The following FIG4 variants were observed in gnomAD, a reference collection of about 807,000 sequenced individuals.
FIG4 encodes FIG4 phosphoinositide 5-phosphatase.
FIG4 carries 112 observed loss-of-function variants against 118.6 expected under a neutral mutation model. The ratio of observed to expected loss-of-function variants is 0.94; its 90% CI spans 0.81 to 1.11. The LOEUF is 1.11. Among genes scored for constraint, FIG4 ranks in the 50% least tolerant of loss-of-function variants. The pLI, the probability that FIG4 is intolerant of heterozygous loss-of-function variation, is 0.00. For missense variants in FIG4, 969 were observed against 1,111.7 expected, an observed-to-expected ratio of 0.87 and a Z score of 1.83; for synonymous variants, 369 against 381.2, an observed-to-expected ratio of 0.97 and a Z score of 0.37.
Position 109,764,054 on chromosome 6 carries a change from A to G in FIG4, c.1434+72A>G, listed in dbSNP as rs9372226. The G allele has an allele frequency of 0.058, 57,713 of 989,124 alleles. 3,667 individuals are homozygous for G. The highest frequency in any genetic ancestry group is 0.24 in the African/African-American group (15,214 of 62,940). 61.3% of individuals were successfully genotyped at this position (989,124 alleles called of 1,614,324 possible). ...GTGTACTGTATGTTTTCTGTAAGCA[A>G]TCATGGAAAGACCTGTATCTTATTT... On this transcript the variant is annotated intron_variant, in intron 13 of 22. Coordinates refer to ENST00000230124, the MANE Select transcript of FIG4 (RefSeq NM_014845.6).
intron 22 of FIG4, among the ~76,000 whole-genome samples, chr6:109,817,249 G>A (rs1284945329): frequency 6.6e-6 from 1 of 152,204 alleles, no homozygotes; most frequent in Non-Finnish European, 1.5e-5. Context: ...TCAGAGCCAA[G>A]CCCTCTCTCA....
chr6:109,786,426 C>T lies in FIG4; in HGVS notation c.2073C>T (p.Cys691=), dbSNP rs1777959712. The T allele has an allele frequency of 6.2e-7, 1 of 1,613,782 alleles. No individual in the cohort carries two copies. Among genetic ancestry groups the T allele is most frequent in the African/African-American group, 1.3e-5 (1 of 74,910 alleles). The change falls in exon 18 of 23, where the codon TGC becomes TGT. Residue 691 remains cysteine, a synonymous_variant. Transcript: ENST00000230124. ...YELSSFDDTF[C]LAMTSSARDF... Reference sequence around the variant, plus strand: ...TGAGCAGCTTTGATGATACCTTTTGCTTGGCTATGACAAGCTCAGCACGGT... The same window carrying T: ...TGAGCAGCTTTGATGATACCTTTTGTTTGGCTATGACAAGCTCAGCACGGT...
At chr6:109,724,909 C>A (rs1423651382) in intron 3 of FIG4, among the ~76,000 whole-genome samples, 2 of 151,302 alleles carry the variant, frequency 1.3e-5, no homozygotes, top group African/African-American at 4.9e-5. Context: ...CACAGTACAG[C>A]AGTGTTAACT....
intron 10 of FIG4, among the ~76,000 whole-genome samples, chr6:109,744,067 G>T (rs940222138): frequency 4.6e-5 from 7 of 152,058 alleles, no homozygotes; most frequent in African/African-American, 1.7e-4. Context: ...TTAGATATAG[G>T]TCAAATTTCT....
At chr6:109,713,596 C>T (rs1775336551) in intron 1 of FIG4, among the ~76,000 whole-genome samples, 1 of 152,104 alleles carries the variant, frequency 6.6e-6, no homozygotes, top group Non-Finnish European at 1.5e-5. Flanking sequence ...TGGATTGCAC[C>T]CCCAACTGCA....
chr6:109,768,925 A>G (rs1011001028), intron 15 of FIG4, among the ~76,000 whole-genome samples: 2 of 152,074 alleles, frequency 1.3e-5, no homozygotes, highest in Non-Finnish European at 2.9e-5. Flanking sequence ...TGACAGGGCC[A>G]TGCTCCCTCT....
intron 22 of FIG4, among the ~76,000 whole-genome samples, chr6:109,799,366 G>A (rs957404401): frequency 6.7e-6 from 1 of 148,284 alleles, no homozygotes; most frequent in Non-Finnish European, 1.5e-5. Flanking sequence ...TTTTTGGGGT[G>A]TGTGTGTGTG....
Position 109,716,545 on chromosome 6 carries a change from C to A in FIG4, c.266C>A (p.Ala89Glu). Reference protein sequence around the residue: ...GQKGSSGLFRAVSAFGVVGFV... With the variant: ...GQKGSSGLFREVSAFGVVGFV... ...AAAGGATCCTCGGGCTTATTTCGAG[C>A]GGTTTCAGCTTTTGGTGTTGTGGGT... The change falls in exon 3 of 23, where the codon GCG becomes GAG. Residue 89 changes from alanine to glutamate, a missense_variant. Transcript: ENST00000230124. 1 of 1,613,810 alleles carries A rather than the reference C, an allele frequency of 6.2e-7. No individual in the cohort carries two copies.
intron 1 of FIG4, among the ~76,000 whole-genome samples, chr6:109,703,299 GT>G (rs371886029): frequency 6.6e-6 from 1 of 150,996 alleles, no homozygotes; most frequent in Non-Finnish European, 1.5e-5. Context: ...TTTGAAGCTT[GT>G]TTTTTTTTCT....
intron 1 of FIG4, among the ~76,000 whole-genome samples, chr6:109,698,694 TA>T (rs1332117306): frequency 5.9e-5 from 9 of 152,236 alleles, no homozygotes. Context: ...TGAGACTTTA[TA>T]AAAAAATTGT....
chr6:109,804,888 T>C (rs1405031130), intron 22 of FIG4, among the ~76,000 whole-genome samples: 1 of 152,190 alleles, frequency 6.6e-6, no homozygotes, highest in South Asian at 2.1e-4. Flanking sequence ...CCCATCTGTC[T>C]TTGTATCCCC....
chr6:109,696,013 T>G (rs1015048471), intron 1 of FIG4, among the ~76,000 whole-genome samples: 9 of 152,216 alleles, frequency 5.9e-5, no homozygotes, highest in Non-Finnish European at 1.2e-4. Flanking sequence ...CCTGAAAAAT[T>G]TACATGGGTG....
At chr6:109,730,378 A>AAGAG (rs1775960362) in intron 4 of FIG4, among the ~76,000 whole-genome samples, 1 of 152,204 alleles carries the variant, frequency 6.6e-6, no homozygotes, top group Non-Finnish European at 1.5e-5. Flanking sequence ...ACATTGATCC[A>AAGAG]GATTCCAAGA....
chr6:109,742,593 T>C (rs909637672), intron 8 of FIG4, among the ~76,000 whole-genome samples: 13 of 152,290 alleles, frequency 8.5e-5, no homozygotes, highest in Middle Eastern at 3.4e-3. Flanking sequence ...TTTTGAATAT[T>C]CAAAGGATAA....
At chr6:109,698,028 A>G (rs769373402) in intron 1 of FIG4, among the ~76,000 whole-genome samples, 33 of 151,920 alleles carry the variant, frequency 2.2e-4, no homozygotes, top group Non-Finnish European at 4.4e-4. Context: ...AGCTGGGATT[A>G]CAGGTGCACA....
At chr6:109,771,367 T>G (rs1034426086) in intron 15 of FIG4, among the ~76,000 whole-genome samples, 2 of 151,826 alleles carry the variant, frequency 1.3e-5, no homozygotes, top group Non-Finnish European at 2.9e-5. Context: ...ACTTGTCCTC[T>G]CTCCTTAAAA....
chr6:109,811,619 C>A (rs1778722248), intron 22 of FIG4, among the ~76,000 whole-genome samples: 1 of 152,120 alleles, frequency 6.6e-6, no homozygotes, highest in Non-Finnish European at 1.5e-5. Context: ...CAAGATTCCC[C>A]AGGGCCCTTC....
At chr6:109,817,497 A>G (rs1778892410) in intron 22 of FIG4, among the ~76,000 whole-genome samples, 1 of 151,624 alleles carries the variant, frequency 6.6e-6, no homozygotes, top group South Asian at 2.1e-4. Flanking sequence ...ATCAAGCTTT[A>G]TTTCTCTAAA....
At chr6:109,720,534 C>T (rs1337479756) in intron 3 of FIG4, among the ~76,000 whole-genome samples, 1 of 152,146 alleles carries the variant, frequency 6.6e-6, no homozygotes, top group Non-Finnish European at 1.5e-5. Flanking sequence ...CCATTTTTCT[C>T]CCCCTCCCTC....
Sources: gnomAD v4.1 joint callset for allele counts (sites outside exome capture counted in the v4.1 genomes callset) on GRCh38, gnomAD v4.1.1 for gene constraint, MANE v1.5 for transcripts, NCBI Gene and HGNC (gene_info 2026-07-23, HGNC 2026-07-21) for gene names.